The following VPS13B variants were observed in gnomAD, a reference collection of about 807,000 sequenced individuals.
The protein encoded by VPS13B is intermembrane lipid transfer protein VPS13B.
A neutral mutation model predicts 426.4 loss-of-function variants in VPS13B; 285 were observed. The ratio of observed to expected loss-of-function variants is 0.67; its 90% confidence interval spans 0.61 to 0.74. The LOEUF (loss-of-function observed/expected upper bound fraction) is 0.74, where lower values mean the gene tolerates loss of function less well. VPS13B is among the 30% of genes least tolerant of loss of function. The pLI is 0.00. For missense variants in VPS13B, 4,537 were observed against 4,782.6 expected, an observed-to-expected ratio of 0.95 and a Z score of 1.51; for synonymous variants, 1,676 against 1,676.4, an observed-to-expected ratio of 1.00 and a Z score of 0.01.
At chr8:99,563,529 GA>G (rs907243467) in intron 31 of VPS13B, among the ~76,000 whole-genome samples, 9 of 151,782 alleles carry the variant, frequency 5.9e-5, no homozygotes, top group Non-Finnish European at 7.4e-5. Flanking sequence ...CTTTTTAAAA[GA>G]AAAAAAAGAG....
chr8:99,828,450 G>C (rs1186823264), intron 51 of VPS13B, among the ~76,000 whole-genome samples: 1 of 73,274 alleles, frequency 1.4e-5, no homozygotes, highest in African/African-American at 5.5e-5. Context: ...CCATGTGCTT[G>C]GTAAATATTC....
At chr8:99,301,173 C>G (rs1361728098) in intron 19 of VPS13B, among the ~76,000 whole-genome samples, 1 of 151,788 alleles carries the variant, frequency 6.6e-6, no homozygotes, top group Non-Finnish European at 1.5e-5. Context: ...CATGAGCATG[C>G]AATTGCACCC....
chr8:99,267,720 C>T (rs11989095), intron 17 of VPS13B, among the ~76,000 whole-genome samples: 11,164 of 147,028 alleles, frequency 0.076, 487 homozygotes, highest in African/African-American at 0.12. Flanking sequence ...AGTGAGACTC[C>T]GTCAAAAAAA....
chr8:99,060,171 T>C (rs1844104768), intron 3 of VPS13B, among the ~76,000 whole-genome samples: 1 of 152,194 alleles, frequency 6.6e-6, no homozygotes, highest in East Asian at 1.9e-4. Context: ...TCAAATTGTA[T>C]TGTGTTCCCT....
intron 55 of VPS13B, among the ~76,000 whole-genome samples, chr8:99,849,366 T>A (rs1816144809): frequency 6.6e-6 from 1 of 152,194 alleles, no homozygotes; most frequent in Middle Eastern, 3.4e-3. Flanking sequence ...TTTAAAAGAA[T>A]TCACATAATT....
intron 21 of VPS13B, among the ~76,000 whole-genome samples, chr8:99,395,221 A>T (rs1396911591): frequency 6.6e-6 from 1 of 152,240 alleles, no homozygotes; most frequent in Non-Finnish European, 1.5e-5. Context: ...GGCAGAGATG[A>T]CTAGAAATTA....
At chr8:99,467,730 TC>T in intron 24 of VPS13B, 96 bp downstream of exon 24, 1 of 1,300,706 alleles carries the variant, frequency 7.7e-7, no homozygotes, top group Admixed American at 1.9e-5. Flanking sequence ...CTCTTGAGTA[TC>T]CTAAATTATT....
intron 57 of VPS13B, 43 bp downstream of exon 57, chr8:99,859,523 CTT>C (rs10710929): frequency 7.0e-3 from 10,069 of 1,441,386 alleles, no homozygotes; most frequent in Admixed American, 7.7e-3. Flanking sequence ...CACTCCTTCC[CTT>C]TTTTTTTTTT....
chr8:99,052,901 G>A (rs945903117), intron 3 of VPS13B, among the ~76,000 whole-genome samples: 13 of 151,858 alleles, frequency 8.6e-5, no homozygotes, highest in African/African-American at 2.2e-4. Flanking sequence ...ATTTTATTGC[G>A]TCTATTTGAT....
intron 26 of VPS13B, 108 bp from the exon 27 acceptor site, chr8:99,502,728 G>C: frequency 1.2e-6 from 1 of 848,960 alleles, no homozygotes; most frequent in Non-Finnish European, 2.0e-6. Flanking sequence ...TGATCTCAGC[G>C]CCTCTGTACA....
intron 35 of VPS13B, among the ~76,000 whole-genome samples, chr8:99,677,518 C>T (rs1430758436): frequency 6.6e-6 from 1 of 152,138 alleles, no homozygotes; most frequent in African/African-American, 2.4e-5. Flanking sequence ...AAAAGCCTTC[C>T]ATTATTTCAA....
At chr8:99,604,435 G>A (rs184946686) in intron 33 of VPS13B, among the ~76,000 whole-genome samples, 172 of 149,016 alleles carry the variant, frequency 1.2e-3, no homozygotes, top group Admixed American at 3.5e-3. Flanking sequence ...ACCACATTAC[G>A]TTTGGTTATG....
At chr8:99,589,618 C>G (rs185910909) in intron 33 of VPS13B, among the ~76,000 whole-genome samples, 9 of 151,560 alleles carry the variant, frequency 5.9e-5, no homozygotes, top group South Asian at 2.1e-4. Flanking sequence ...TTGGACATTT[C>G]GGTTGGTTCC....
At chr8:99,208,342 A>G (rs1814854478) in intron 17 of VPS13B, among the ~76,000 whole-genome samples, 1 of 152,144 alleles carries the variant, frequency 6.6e-6, no homozygotes. Flanking sequence ...TCCAACCCAT[A>G]TCACATATCA....
chr8:99,066,114 C>T (rs1844491238), intron 3 of VPS13B, among the ~76,000 whole-genome samples: 1 of 152,242 alleles, frequency 6.6e-6, no homozygotes, highest in South Asian at 2.1e-4. Context: ...CCCCATGAAG[C>T]TACCAATGAC....
At chr8:99,733,770 TAG>T (rs1225938981) in intron 39 of VPS13B, among the ~76,000 whole-genome samples, 1 of 152,224 alleles carries the variant, frequency 6.6e-6, no homozygotes, top group Non-Finnish European at 1.5e-5. Context: ...TTTATTACCT[TAG>T]ATGTTTTCTA....
chr8:99,280,630 AT>A (rs1019384847), intron 19 of VPS13B, among the ~76,000 whole-genome samples: 2 of 151,872 alleles, frequency 1.3e-5, no homozygotes, highest in Non-Finnish European at 2.9e-5. Context: ...TCTTTTCTCT[AT>A]TTCTGTTTCT....
At chr8:99,196,216 A>G (rs1813912800) in intron 17 of VPS13B, among the ~76,000 whole-genome samples, 1 of 151,208 alleles carries the variant, frequency 6.6e-6, no homozygotes, top group South Asian at 2.1e-4. Context: ...GTTTTTTTTT[A>G]GTTTCTTTTA....
At chr8:99,501,969 CTGTCTTT>C (rs1468189688) in intron 26 of VPS13B, 111 bp downstream of exon 26, 159 of 1,234,674 alleles carry the variant, frequency 1.3e-4, no homozygotes, top group Non-Finnish European at 1.7e-4. Flanking sequence ...GTCTGTCTGT[CTGTCTTT>C]CCGTCTGTCT....
Sources: allele counts gnomAD v4.1 joint callset (sites outside exome capture counted in the v4.1 genomes callset), GRCh38; gene constraint gnomAD v4.1.1; transcripts MANE v1.5; gene names NCBI Gene and HGNC (gene_info 2026-07-23, HGNC 2026-07-21).